Variants in DRC4 observed in about 807,000 individuals in gnomAD.
DRC4 encodes dynein regulatory complex subunit 4, also known as GAS-11.
At chr16:90,032,657 G>C in the DRC4 span, 3 of 1,523,286 alleles carry the variant, frequency 2.0e-6, no homozygotes, top group Non-Finnish European at 2.7e-6. Flanking sequence ...GGTGTGCACA[G>C]GTACGGAAAG....
the DRC4 span, among the ~76,000 whole-genome samples, chr16:90,038,761 A>G: frequency 6.6e-6 from 1 of 152,268 alleles, no homozygotes; most frequent in East Asian, 1.9e-4. Context: ...GGCACTTCCA[A>G]GATTCGCAGT....
the DRC4 span, among the ~76,000 whole-genome samples, chr16:90,027,214 T>G: frequency 6.6e-6 from 1 of 151,690 alleles, no homozygotes; most frequent in African/African-American, 2.4e-5. Flanking sequence ...GCCTCCCGAG[T>G]AGCTGGGACT....
the DRC4 span, chr16:90,029,790 T>A: frequency 5.6e-6 from 1 of 179,586 alleles, no homozygotes; most frequent in Non-Finnish European, 1.3e-5. Flanking sequence ...GGAATCTCGC[T>A]GTGTGGCCCA....
At chr16:90,035,916 C>T in the DRC4 span, 1 of 1,439,742 alleles carries the variant, frequency 6.9e-7, no homozygotes. Context: ...CACACATTCC[C>T]ACTCCTAGCT....
At chr16:90,043,157 G>A in the DRC4 span, 1 of 1,582,358 alleles carries the variant, frequency 6.3e-7, no homozygotes, top group Non-Finnish European at 8.6e-7. Flanking sequence ...TCCTGAGCGT[G>A]GGGACCCTCA....
the DRC4 span, chr16:90,032,991 C>T: frequency 7.5e-7 from 1 of 1,336,254 alleles, no homozygotes; most frequent in Non-Finnish European, 1.1e-6. Context: ...GCTGCATGAA[C>T]TCCTGTTTAT....
At chr16:90,022,960 C>T in the DRC4 span, among the ~76,000 whole-genome samples, 667 of 152,270 alleles carry the variant, frequency 4.4e-3, 7 homozygotes, top group African/African-American at 0.015. Flanking sequence ...CCTGTGCTCA[C>T]AGGGGTGGTC....
the DRC4 span, chr16:90,042,820 G>T: frequency 1.9e-6 from 1 of 520,046 alleles, no homozygotes; most frequent in Non-Finnish European, 3.5e-6. Flanking sequence ...GGAGTCAGAA[G>T]GTGCTGTGCC....
chr16:90,042,483 C>T, the DRC4 span: 51 of 1,613,586 alleles, frequency 3.2e-5, no homozygotes, highest in East Asian at 4.5e-5. Context: ...GTTCTTGAGT[C>T]GAAGAACAGC....
the DRC4 span, among the ~76,000 whole-genome samples, chr16:90,020,395 T>C: frequency 6.6e-6 from 1 of 152,164 alleles, no homozygotes; most frequent in African/African-American, 2.4e-5. Flanking sequence ...ACTGAGTTGA[T>C]GCCGTGGCCT....
At chr16:90,037,517 G>T in the DRC4 span, 7 of 1,198,226 alleles carry the variant, frequency 5.8e-6, no homozygotes, top group Admixed American at 5.2e-5. Flanking sequence ...GGGGAGGCCT[G>T]CATTTCTCCT....
chr16:90,040,169 G>A, the DRC4 span: 3 of 840,290 alleles, frequency 3.6e-6, no homozygotes, highest in Admixed American at 2.1e-5. Context: ...ACTGACCCCG[G>A]TGCTGTGGGA....
At chr16:90,020,699 C>G in the DRC4 span, 1 of 152,272 alleles carries the variant, frequency 6.6e-6, no homozygotes, top group Non-Finnish European at 1.5e-5. Flanking sequence ...CTGAATGATT[C>G]ATCTCTGCAG....
At chr16:90,021,435 A>G in the DRC4 span, among the ~76,000 whole-genome samples, 89,731 of 150,844 alleles carry the variant, frequency 0.59, 28,265 homozygotes, top group East Asian at 0.95. Flanking sequence ...TTTTTGAGAC[A>G]GGGTCTCAGG....
At chr16:90,021,397 A>G in the DRC4 span, among the ~76,000 whole-genome samples, 16 of 151,830 alleles carry the variant, frequency 1.1e-4, no homozygotes, top group East Asian at 3.0e-3. Flanking sequence ...TGGGAGAACA[A>G]GATCTGCTAC....
At chr16:90,023,534 G>C in the DRC4 span, among the ~76,000 whole-genome samples, 1 of 152,210 alleles carries the variant, frequency 6.6e-6, no homozygotes, top group Admixed American at 6.5e-5. Flanking sequence ...CAAATGCTAA[G>C]TAATGCTGAA....
the DRC4 span, chr16:90,043,137 G>A: frequency 6.4e-7 from 1 of 1,559,400 alleles, no homozygotes; most frequent in Non-Finnish European, 8.7e-7. Flanking sequence ...GCTGCACTCA[G>A]CTCTGGTGGT....
chr16:90,032,895 A>G, the DRC4 span: 3 of 1,613,812 alleles, frequency 1.9e-6, no homozygotes, highest in Admixed American at 1.7e-5. Context: ...GGAGCTGGCC[A>G]GTGAGGTGGT....
the DRC4 span, among the ~76,000 whole-genome samples, chr16:90,023,049 G>C: frequency 1.3e-5 from 2 of 152,188 alleles, no homozygotes; most frequent in South Asian, 2.1e-4. Flanking sequence ...TCTCATCCTG[G>C]AATGGCAGAC....
Sources: allele counts gnomAD v4.1 joint callset (sites outside exome capture counted in the v4.1 genomes callset), GRCh38; gene constraint gnomAD v4.1.1; transcripts MANE v1.5; gene names NCBI Gene and HGNC (gene_info 2026-07-23, HGNC 2026-07-21).